G2E3: variants seen among roughly 807,000 people sequenced by gnomAD.
The protein encoded by G2E3 is G2/M phase-specific E3 ubiquitin-protein ligase.
Under a neutral mutation model 92.8 loss-of-function variants are expected in G2E3, and 35 were observed. The ratio of observed to expected loss-of-function variants is 0.38; its 90% CI spans 0.29 to 0.50. The LOEUF is 0.50. G2E3 is among the 20% of genes least tolerant of loss of function. The pLI, the probability that G2E3 is intolerant of heterozygous loss-of-function variation, is 0.94. For missense variants in G2E3, 554 were observed against 823.8 expected (o/e 0.67, Z 4.01); for synonymous variants, 242 against 272.4 (o/e 0.89, Z 1.10).
Position 30,619,324 on chromosome 14 carries a change from A to G in G2E3, c.*2790A>G, listed in dbSNP as rs1463012852. The G allele has an allele frequency of 1.3e-5, 2 of 152,128 alleles. No individual in the cohort carries two copies. The highest frequency in any genetic ancestry group is 2.9e-5 in the Non-Finnish European group (2 of 67,944). The allele number at this position is 152,128 out of a possible 1,614,324, so 9.4% of individuals were successfully genotyped here. ...TATTGGAACTTTTGTATTCAGTGCT[A>G]AATACTAAGTCAAGGGGAGTATATT... On this transcript the variant is annotated 3_prime_UTR_variant, in exon 15 of 15. Coordinates refer to ENST00000206595, the MANE Select transcript of G2E3 (RefSeq NM_017769.5).
chr14:30,610,186 G>A (rs767365362), intron 12 of G2E3, among the ~76,000 whole-genome samples: 2 of 152,092 alleles, frequency 1.3e-5, no homozygotes, highest in African/African-American at 4.8e-5. Flanking sequence ...TATGTATTCT[G>A]TACTGTTTTG....
chr14:30,594,645 A>G (rs1209959049), intron 6 of G2E3, among the ~76,000 whole-genome samples: 3 of 152,012 alleles, frequency 2.0e-5, no homozygotes, highest in East Asian at 1.9e-4. Context: ...CTGAGCCAAG[A>G]TGGCACCACT....
rs1311644969 is a variant in G2E3 at position 30,605,640 on chromosome 14, A to C, written c.1146A>C (p.Arg382=). 6.2e-7 allele frequency: 1 copy of C among 1,608,786 alleles called. No homozygotes were observed. The highest frequency in any genetic ancestry group is 1.1e-5 in the South Asian group (1 of 90,648). Residue 382 remains arginine (R), a synonymous_variant, in exon 11 of 15, where the codon CGA becomes CGC. Coordinates refer to ENST00000206595, the MANE Select transcript of G2E3 (RefSeq NM_017769.5). ...GTGCCTTAGATGCATTCAGAAATCGAAACTTTAATCCTTCATATGCAATTG... is the reference window on the plus strand; with the variant it reads ...GTGCCTTAGATGCATTCAGAAATCGCAACTTTAATCCTTCATATGCAATTG... ...WNSALDAFRN[R]NFNPSYAIEV...
chr14:30,599,941 C>T (rs1881484667), intron 8 of G2E3, among the ~76,000 whole-genome samples: 1 of 152,128 alleles, frequency 6.6e-6, no homozygotes, highest in Non-Finnish European at 1.5e-5. Context: ...TTATTGATTA[C>T]TCTTTTGTAA....
chr14:30,565,315 T>C (rs1288701493), intron 1 of G2E3, among the ~76,000 whole-genome samples: 2 of 152,208 alleles, frequency 1.3e-5, no homozygotes, highest in Non-Finnish European at 2.9e-5. Context: ...TAAGTTGGAT[T>C]ACTTGTCTTT....
At chr14:30,591,511 A>AG (rs1374219302) in intron 4 of G2E3, among the ~76,000 whole-genome samples, 1 of 152,152 alleles carries the variant, frequency 6.6e-6, no homozygotes, top group Non-Finnish European at 1.5e-5. Flanking sequence ...AAGTGTCAAA[A>AG]GGGTTCCTTC....
At position 30,581,118 on chromosome 14, in the gene G2E3, TA is replaced by T; in HGVS notation, c.37+4del. On this transcript the variant is annotated splice_donor_region_variant and intron_variant, in intron 2 of 14. Coordinates refer to ENST00000206595, the MANE Select transcript of G2E3 (RefSeq NM_017769.5). Reference sequence around the variant, plus strand: ...AACCTGGTGACTCACAGAACCTTGGTAAGTAACTGTATTTAAAATAATTTTA... The same window carrying T: ...AACCTGGTGACTCACAGAACCTTGGTAGTAACTGTATTTAAAATAATTTTA... 4.2e-6 allele frequency: 6 copies of T among 1,429,034 alleles called. No individual in the cohort carries two copies. The highest frequency in any genetic ancestry group is 5.9e-6 in the Non-Finnish European group (6 of 1,014,186). 88.5% of individuals were successfully genotyped at this position (1,429,034 alleles called of 1,614,324 possible).
intron 4 of G2E3, chr14:30,590,583 A>T (rs1362818901): frequency 4.5e-6 from 2 of 444,230 alleles, no homozygotes; most frequent in Non-Finnish European, 9.0e-6. Flanking sequence ...AAGAAGGTCT[A>T]CAAGGGAAGC....
chr14:30,580,677 T>C (rs1880382353), intron 1 of G2E3, among the ~76,000 whole-genome samples: 1 of 152,220 alleles, frequency 6.6e-6, no homozygotes, highest in South Asian at 2.1e-4. Flanking sequence ...TTTGTTAATA[T>C]GTAAAATGGG....
At chr14:30,575,609 C>G (rs1264544283) in intron 1 of G2E3, among the ~76,000 whole-genome samples, 4 of 152,160 alleles carry the variant, frequency 2.6e-5, no homozygotes, top group African/African-American at 7.2e-5. Flanking sequence ...GATTCTGTAT[C>G]TAGAAAACCC....
At chr14:30,614,448 C>T (rs1399906128) in intron 13 of G2E3, among the ~76,000 whole-genome samples, 1 of 152,180 alleles carries the variant, frequency 6.6e-6, no homozygotes, top group East Asian at 1.9e-4. Context: ...TAGGTGTGCC[C>T]TCGAAATCAG....
At position 30,616,247 on chromosome 14, in the gene G2E3, C is replaced by G. The variant is rs772168360; in HGVS notation, c.1865-31C>G. ...ATATAACATGGATTTACTTTTGTTT[C>G]TTTTACTCTTTTATTGGTAAATTTT... On this transcript the variant is annotated intron_variant, in intron 14 of 14. Transcript: ENST00000206595. 4.8e-6 allele frequency: 7 copies of G among 1,449,826 alleles called. No individual in the cohort carries two copies. In the South Asian group the frequency reaches 8.1e-5, roughly 17 times the overall value. 89.8% of individuals were successfully genotyped at this position (1,449,826 alleles called of 1,614,324 possible).
intron 4 of G2E3, chr14:30,590,604 C>G (rs1377998837): frequency 4.4e-6 from 2 of 452,798 alleles, no homozygotes; most frequent in South Asian, 3.1e-5. Context: ...ACATAAGAAA[C>G]ATTTATTCTT....
chr14:30,597,350 CTGTT>C, intron 6 of G2E3, 66 bp from the exon 7 acceptor site: 1 of 802,184 alleles, frequency 1.2e-6, no homozygotes, highest in East Asian at 2.5e-5. Flanking sequence ...AGCACATGTT[CTGTT>C]ACATAATATA....
chr14:30,571,394 C>T (rs574209178), intron 1 of G2E3, among the ~76,000 whole-genome samples: 1 of 151,772 alleles, frequency 6.6e-6, no homozygotes, highest in African/African-American at 2.4e-5. Flanking sequence ...AGTGTTTATT[C>T]CCAATCTGTG....
At chr14:30,568,714 A>G (rs1380485760) in intron 1 of G2E3, among the ~76,000 whole-genome samples, 1 of 152,170 alleles carries the variant, frequency 6.6e-6, no homozygotes, top group East Asian at 1.9e-4. Context: ...TTATTGTGTC[A>G]AATTACATTT....
chr14:30,582,448 A>G (rs1880484683), intron 2 of G2E3, among the ~76,000 whole-genome samples: 2 of 152,156 alleles, frequency 1.3e-5, no homozygotes, highest in East Asian at 3.8e-4. Flanking sequence ...AGACAAGGGG[A>G]GAGAGGAACA....
At chr14:30,561,358 C>G (rs74951663) in intron 1 of G2E3, among the ~76,000 whole-genome samples, 5,208 of 152,336 alleles carry the variant, frequency 0.034, 119 homozygotes, top group Middle Eastern at 0.061. Context: ...TCTTGCCTCT[C>G]TTCAGTCTCC....
intron 1 of G2E3, among the ~76,000 whole-genome samples, chr14:30,572,695 A>T (rs1217864982): frequency 2.0e-5 from 3 of 152,122 alleles, no homozygotes; most frequent in Non-Finnish European, 1.5e-5. Context: ...TATTTCTAAG[A>T]TAAATCCAGT....
Sources: allele counts gnomAD v4.1 joint callset (sites outside exome capture counted in the v4.1 genomes callset), GRCh38; gene constraint gnomAD v4.1.1; transcripts MANE v1.5; gene names NCBI Gene and HGNC (gene_info 2026-07-23, HGNC 2026-07-21).